The following SLC4A5 variants were observed in gnomAD, a reference collection of about 807,000 sequenced individuals.
The protein encoded by SLC4A5 is solute carrier family 4 member 5, also known as electrogenic sodium bicarbonate cotransporter 4.
In SLC4A5, 96 loss-of-function variants were observed where a neutral mutation model predicts 120.4. That is an observed-to-expected ratio of 0.80 (90% CI 0.68 to 0.94). The LOEUF (loss-of-function observed/expected upper bound fraction) is 0.94, where lower values mean the gene tolerates loss of function less well. Ranked by LOEUF, SLC4A5 falls within the 40% of genes least tolerant of loss-of-function variation. The pLI is 0.00. For missense variants in SLC4A5, 1,259 were observed against 1,459.5 expected (o/e 0.86, Z 2.24); for synonymous variants, 550 against 571.1 (o/e 0.96, Z 0.53).
At chr2:74,313,182 G>T (rs988679243) in intron 6 of SLC4A5, among the ~76,000 whole-genome samples, 1 of 151,662 alleles carries the variant, frequency 6.6e-6, no homozygotes, top group Non-Finnish European at 1.5e-5. Flanking sequence ...ACTATGCCCA[G>T]CTCCTCCTCT....
intron 28 of SLC4A5, among the ~76,000 whole-genome samples, chr2:74,224,576 A>G (rs1370248367): frequency 6.6e-6 from 1 of 152,120 alleles, no homozygotes; most frequent in Non-Finnish European, 1.5e-5. Flanking sequence ...TAAAGCCCAC[A>G]GTGATGGAAA....
At chr2:74,269,583 G>A (rs189332398) in intron 8 of SLC4A5, among the ~76,000 whole-genome samples, 1 of 152,038 alleles carries the variant, frequency 6.6e-6, no homozygotes, top group African/African-American at 2.4e-5. Context: ...CCTGAGGATC[G>A]ACCTCCTATT....
rs915515293 is a variant in SLC4A5, at chr2:74,232,667, G to A, written c.2596-20C>T. The A allele has an allele frequency of 1.2e-6, 2 of 1,608,184 alleles. No individual in the cohort carries two copies. The highest frequency in any genetic ancestry group is 2.7e-5 in the African/African-American group (2 of 74,330). On this transcript the variant is annotated intron_variant, in intron 23 of 30. Coordinates refer to ENST00000394019, the Ensembl canonical transcript of SLC4A5. Reference sequence around the variant, plus strand: ...AGCCTTCTGCAGGAGCGGGGTTGGGGGAGGGAGAAGTTTCTGGGGAGCCAG... The same window carrying A: ...AGCCTTCTGCAGGAGCGGGGTTGGGAGAGGGAGAAGTTTCTGGGGAGCCAG...
At chr2:74,242,631 T>C (rs971956639) in intron 19 of SLC4A5, among the ~76,000 whole-genome samples, 13 of 152,168 alleles carry the variant, frequency 8.5e-5, no homozygotes, top group African/African-American at 3.1e-4. Flanking sequence ...CTCTACACCA[T>C]GAACTTCCCT....
chr2:74,290,643 GAGAGAGAAGTGAGCA>G (rs1486912867), intron 7 of SLC4A5: 2 of 981,152 alleles, frequency 2.0e-6, no homozygotes, highest in African/African-American at 1.8e-5. Context: ...GAGAGAGAGA[GAGAGAGAAGTGAGCA>G]AGAGAGAGAG....
intron 5 of SLC4A5, among the ~76,000 whole-genome samples, chr2:74,316,636 G>A (rs746788000): frequency 6.6e-6 from 1 of 152,292 alleles, no homozygotes; most frequent in East Asian, 1.9e-4. Context: ...AGTTATACAC[G>A]CCTACACTTG....
intron 8 of SLC4A5, among the ~76,000 whole-genome samples, chr2:74,275,352 A>C (rs1671605551): frequency 6.6e-6 from 1 of 152,216 alleles, no homozygotes; most frequent in Non-Finnish European, 1.5e-5. Flanking sequence ...TTACTGAAAA[A>C]TTCTGAATGG....
intron 8 of SLC4A5, among the ~76,000 whole-genome samples, chr2:74,283,612 C>A (rs1015905072): frequency 6.6e-6 from 1 of 152,096 alleles, no homozygotes; most frequent in Non-Finnish European, 1.5e-5. Flanking sequence ...GGGAGATGAG[C>A]GAGGGAAGAG....
chr2:74,220,597 A>G (rs895182712), intron 30 of SLC4A5, among the ~76,000 whole-genome samples: 3 of 151,136 alleles, frequency 2.0e-5, no homozygotes, highest in Non-Finnish European at 4.4e-5. Flanking sequence ...GCTCACTGCA[A>G]GCTCCGCCTC....
rs893583502 is a variant in SLC4A5 at position 74,244,830 on chromosome 2, C to T, written c.2059+2206G>A. ...TTCCCTGATGCTGCTGGTCCAGGGA[C>T]GACATTTTGAGAACCATGACAATAG... On this transcript the variant is annotated intron_variant, in intron 19 of 30. Coordinates refer to ENST00000394019, the Ensembl canonical transcript of SLC4A5. 1.5e-4 allele frequency among the ~76,000 whole-genome samples: 23 copies of T among 152,212 alleles called. 1 individual carries two copies. Among genetic ancestry groups the T allele is most frequent in the East Asian group, 3.9e-4 (2 of 5,182 alleles).
rs1390971996 is a variant in SLC4A5 at position 74,253,140 on chromosome 2, A to T, written c.1114-12T>A. The T allele has an allele frequency of 6.2e-7, 1 of 1,613,690 alleles. No individual in the cohort carries two copies. Among genetic ancestry groups the T allele is most frequent in the Non-Finnish European group, 8.5e-7 (1 of 1,179,912 alleles). On this transcript the variant is annotated splice_polypyrimidine_tract_variant and intron_variant, in intron 14 of 30. Transcript: ENST00000394019. ...ACGTCACTGAAGAGCTGGCGAGGAG[A>T]GAGGAGGGAGAAAAGAAAGATCGGG...
intron 28 of SLC4A5, 117 bp downstream of exon 28, chr2:74,224,723 C>T: frequency 7.1e-7 from 1 of 1,418,410 alleles, no homozygotes; most frequent in South Asian, 1.4e-5. Context: ...CCATCCTGGA[C>T]TGGGCCGAGG....
chr2:74,278,039 T>C (rs1335782829), intron 8 of SLC4A5, among the ~76,000 whole-genome samples: 1 of 152,176 alleles, frequency 6.6e-6, no homozygotes, highest in Non-Finnish European at 1.5e-5. Context: ...TTTTTCATAA[T>C]AAAAAGTTTA....
At chr2:74,253,428 A>G (rs865964758) in intron 14 of SLC4A5, among the ~76,000 whole-genome samples, 24 of 152,188 alleles carry the variant, frequency 1.6e-4, no homozygotes, top group African/African-American at 5.3e-4. Flanking sequence ...CATCATACAT[A>G]TTAGAAAACC....
chr2:74,252,613 G>A (rs759829558), intron 15 of SLC4A5, among the ~76,000 whole-genome samples: 3 of 152,132 alleles, frequency 2.0e-5, no homozygotes, highest in African/African-American at 7.2e-5. Flanking sequence ...TTGAGACAGG[G>A]TCAAACTCTG....
At chr2:74,264,978 G>T in intron 9 of SLC4A5, 126 bp downstream of exon 9, 1 of 1,066,036 alleles carries the variant, frequency 9.4e-7, no homozygotes, top group South Asian at 1.6e-5. Context: ...AGTCAAAGCT[G>T]GTCTCTGCAG....
In SLC4A5 at chr2:74,224,836, C is replaced by T; in HGVS notation, c.3246+4G>A. 1.1e-5 allele frequency: 17 copies of T among 1,606,158 alleles called. No individual in the cohort carries two copies. Among genetic ancestry groups the T allele is most frequent in the Non-Finnish European group, 1.4e-5 (17 of 1,178,366 alleles). Reference sequence around the variant, plus strand: ...TCTGTGCCCCGGCCTCACATCTTCCCCACCTCCTCATCACAGTCCTCGTGG... The same window carrying T: ...TCTGTGCCCCGGCCTCACATCTTCCTCACCTCCTCATCACAGTCCTCGTGG... On this transcript the variant is annotated splice_donor_region_variant and intron_variant, in intron 28 of 30. Transcript: ENST00000394019.
In SLC4A5 at chr2:74,342,277, G is replaced by A. The variant is rs182456202; in HGVS notation, c.-270+181C>T. 7.9e-4 allele frequency among the ~76,000 whole-genome samples: 120 copies of A among 152,334 alleles called. 1 individual carries two copies. The highest frequency in any genetic ancestry group is 2.7e-3 in the African/African-American group (111 of 41,584). ...CACCATCCCTACTTCTAGTGCAGTGGAGATGTATGAGTGTCTCCATTGCTA... is the reference window on the plus strand; with the variant it reads ...CACCATCCCTACTTCTAGTGCAGTGAAGATGTATGAGTGTCTCCATTGCTA... On this transcript the variant is annotated intron_variant, in intron 2 of 30. Coordinates refer to ENST00000394019, the Ensembl canonical transcript of SLC4A5.
At chr2:74,303,436 A>G (rs1416161648) in intron 7 of SLC4A5, among the ~76,000 whole-genome samples, 1 of 152,170 alleles carries the variant, frequency 6.6e-6, no homozygotes, top group Non-Finnish European at 1.5e-5. Flanking sequence ...TGAGCTATAT[A>G]TAGTAGAAAC....
Sources: allele counts gnomAD v4.1 joint callset (sites outside exome capture counted in the v4.1 genomes callset), GRCh38; gene constraint gnomAD v4.1.1; transcripts MANE v1.5; gene names NCBI Gene and HGNC (gene_info 2026-07-23, HGNC 2026-07-21).